The following DOCK8 variants were observed in gnomAD, a reference collection of about 807,000 sequenced individuals.
The protein encoded by DOCK8 is dedicator of cytokinesis protein 8.
DOCK8 carries 141 observed loss-of-function variants against 245.6 expected under a neutral mutation model. That is an observed-to-expected ratio of 0.57 (90% CI 0.50 to 0.66). The LOEUF (loss-of-function observed/expected upper bound fraction) is 0.66, where lower values mean the gene tolerates loss of function less well. Ranked by LOEUF, DOCK8 falls within the 30% of genes least tolerant of loss-of-function variation. DOCK8 has a pLI of 0.00. For missense variants in DOCK8, 2,965 were observed against 2,603.4 expected, an observed-to-expected ratio of 1.14 and a Z score of -3.02; for synonymous variants, 1,168 against 970.2, an observed-to-expected ratio of 1.20 and a Z score of -3.79.
At chr9:457,891 T>C (rs2057690272) in intron 46 of DOCK8, among the ~76,000 whole-genome samples, 1 of 152,182 alleles carries the variant, frequency 6.6e-6, no homozygotes, top group South Asian at 2.1e-4. Context: ...GGTAGGCTCT[T>C]ATCACCCACA....
At chr9:310,370 A>T (rs893981464) in intron 5 of DOCK8, among the ~76,000 whole-genome samples, 2 of 152,162 alleles carry the variant, frequency 1.3e-5, no homozygotes, top group South Asian at 2.1e-4. Flanking sequence ...TTTAAAAAAA[A>T]TTTTCACAAA....
At chr9:307,786 T>G (rs904027983) in intron 5 of DOCK8, among the ~76,000 whole-genome samples, 1 of 152,172 alleles carries the variant, frequency 6.6e-6, no homozygotes, top group Non-Finnish European at 1.5e-5. Flanking sequence ...GCAGCACTAT[T>G]CACAGTAACC....
chr9:350,091 T>C (rs2052083816), intron 14 of DOCK8, among the ~76,000 whole-genome samples: 1 of 151,962 alleles, frequency 6.6e-6, no homozygotes, highest in Non-Finnish European at 1.5e-5. Flanking sequence ...AAACTTGGAG[T>C]TCTGTTTTCT....
In DOCK8 at chr9:325,671, G is replaced by A. The variant is rs1156965453; in HGVS notation, c.828G>A (p.Lys276=). The change falls in exon 8 of 48, where the codon AAG becomes AAA. Residue 276 remains lysine (K), a splice_region_variant and synonymous_variant. Transcript: ENST00000432829. ...AGATTTTCCTCTCTTTCTATGGTAG[G>A]TTCGAGATTGAAATTGAGCCCCTGT... is the stretch of plus-strand genomic sequence containing the variant. ...NRILVKLLTL[K]FEIEIEPLFA... 8.7e-6 allele frequency: 14 copies of A among 1,613,582 alleles called. No individual in the cohort carries two copies. Among genetic ancestry groups the A allele is most frequent in the Middle Eastern group, 3.3e-4 (2 of 6,084 alleles).
chr9:444,440 G>A (rs1171385229), intron 43 of DOCK8, among the ~76,000 whole-genome samples: 2 of 151,692 alleles, frequency 1.3e-5, no homozygotes, highest in African/African-American at 4.8e-5. Context: ...AAGTACTCTG[G>A]TTACTATCAG....
At chr9:339,569 C>T (rs1586740995) in intron 13 of DOCK8, among the ~76,000 whole-genome samples, 1 of 152,180 alleles carries the variant, frequency 6.6e-6, no homozygotes, top group East Asian at 1.9e-4. Flanking sequence ...GGCTGGAGTG[C>T]AGTGGCACAA....
chr9:368,122 G>C lies in DOCK8; in HGVS notation c.1784G>C (p.Ser595Thr). 4 of 1,613,978 alleles carry C rather than the reference G, an allele frequency of 2.5e-6. No individual in the cohort carries two copies. Among genetic ancestry groups the C allele is most frequent in the Non-Finnish European group, 3.4e-6 (4 of 1,179,826 alleles). ...KIQFMCGEDA[S>T]NAMPVIFGKS... Reference sequence around the variant, plus strand: ...CAGTTTATGTGTGGAGAAGATGCTAGCAATGCGATGCCGGTAAGGAGGGAA... The same window carrying C: ...CAGTTTATGTGTGGAGAAGATGCTACCAATGCGATGCCGGTAAGGAGGGAA... Residue 595 changes from serine to threonine, a missense_variant, in exon 15 of 48, where the codon AGC becomes ACC. By Grantham distance (58) the Ser-to-Thr change is moderately conservative. Around this residue, in one of 3 missense-constraint regions of DOCK8, gnomAD observed 2,825 missense variants for 2,453.5 expected, o/e 1.15. Coordinates refer to ENST00000432829, the MANE Select transcript of DOCK8 (RefSeq NM_203447.4).
chr9:304,653 G>A lies in DOCK8; in HGVS notation c.477G>A (p.Pro159=), dbSNP rs375091035. 5.2e-5 allele frequency: 84 copies of A among 1,614,018 alleles called. No homozygotes were observed. In the Admixed American group the frequency reaches 8.2e-4, roughly 16 times the overall value. Residue 159 remains proline, a synonymous_variant, in exon 5 of 48, where the codon CCG becomes CCA. Transcript: ENST00000432829. ...GAAAAGATTTTCACAAGACGCTTCC[G>A]AAACAGACGTTTGAGTCGGAAACCT... The part of the protein sequence containing the change: ...GSRKDFHKTL[P]KQTFESETLE...
intron 18 of DOCK8, 126 bp from the exon 19 acceptor site, chr9:376,084 T>C: frequency 2.6e-6 from 2 of 757,836 alleles, no homozygotes; most frequent in South Asian, 2.9e-5. Context: ...AACAGTTAGA[T>C]TAGTTTTCAA....
intron 28 of DOCK8, among the ~76,000 whole-genome samples, chr9:412,478 T>C (rs2055786660): frequency 6.6e-6 from 1 of 151,612 alleles, no homozygotes; most frequent in South Asian, 2.1e-4. Context: ...AAACTATCTC[T>C]ATTCATAGGT....
intron 46 of DOCK8, among the ~76,000 whole-genome samples, chr9:458,778 T>G (rs1357790776): frequency 6.6e-6 from 1 of 152,104 alleles, no homozygotes; most frequent in Non-Finnish European, 1.5e-5. Context: ...GCCACTGCCT[T>G]CCACCCTGCA....
chr9:346,897 T>G (rs2051916366), intron 14 of DOCK8, among the ~76,000 whole-genome samples: 2 of 151,320 alleles, frequency 1.3e-5, no homozygotes, highest in South Asian at 4.1e-4. Context: ...GCAAACGAAG[T>G]GGTTAGGAAG....
At chr9:357,085 G>C (rs2052480887) in intron 14 of DOCK8, among the ~76,000 whole-genome samples, 1 of 152,186 alleles carries the variant, frequency 6.6e-6, no homozygotes, top group Non-Finnish European at 1.5e-5. Flanking sequence ...AGTGAAGTGG[G>C]TTTTAAGGAT....
At chr9:424,617 C>A (rs10974352) in intron 33 of DOCK8, among the ~76,000 whole-genome samples, 2 of 152,142 alleles carry the variant, frequency 1.3e-5, no homozygotes, top group South Asian at 4.2e-4. Context: ...ACCATGTTGC[C>A]CAGGCTGGTC....
chr9:406,253 G>T (rs772174286), intron 27 of DOCK8, among the ~76,000 whole-genome samples: 2 of 152,022 alleles, frequency 1.3e-5, no homozygotes, highest in East Asian at 3.9e-4. Context: ...CAGCATCTTC[G>T]GAGGCCAAAG....
intron 33 of DOCK8, among the ~76,000 whole-genome samples, chr9:423,222 G>T (rs1455074425): frequency 6.6e-6 from 1 of 152,088 alleles, no homozygotes; most frequent in African/African-American, 2.4e-5. Flanking sequence ...AAAAAAACCT[G>T]TTTGGATCAA....
chr9:274,959 A>G (rs72701234), intron 2 of DOCK8, among the ~76,000 whole-genome samples: 1,545 of 152,312 alleles, frequency 0.01, 22 homozygotes, highest in African/African-American at 0.035. Context: ...ATTGAAGTCA[A>G]GTTATTTAGA....
intron 11 of DOCK8, among the ~76,000 whole-genome samples, chr9:334,693 A>T (rs576855982): frequency 6.6e-6 from 1 of 151,958 alleles, no homozygotes; most frequent in Non-Finnish European, 1.5e-5. Context: ...TAACAAGAAA[A>T]TGTAGTAACC....
At chr9:215,265 C>T (rs747492348) in intron 1 of DOCK8, 3 of 1,604,236 alleles carry the variant, frequency 1.9e-6, no homozygotes, top group Admixed American at 3.4e-5. Flanking sequence ...TCCTGGATGT[C>T]CTCAGCCGCC....
Sources: gnomAD v4.1 joint callset for allele counts (sites outside exome capture counted in the v4.1 genomes callset) on GRCh38, gnomAD v4.1.1 for gene constraint, gnomAD v4.1.1 regional missense constraint, MANE v1.5 for transcripts, NCBI Gene and HGNC (gene_info 2026-07-23, HGNC 2026-07-21) for gene names.